CELF2: variants seen among roughly 807,000 people sequenced by gnomAD.
CELF2 encodes the protein CUGBP Elav-like family member 2.
Under a neutral mutation model 62.6 loss-of-function variants are expected in CELF2, and 8 were observed. That is an observed-to-expected ratio of 0.13 (90% CI 0.07 to 0.23). The LOEUF is 0.23. CELF2 is among the 10% of genes least tolerant of loss of function. The pLI, the probability that CELF2 is intolerant of heterozygous loss-of-function variation, is 1.00. For missense variants in CELF2, 333 were observed against 671.0 expected (o/e 0.50, Z 5.56); for synonymous variants, 258 against 250.0 (o/e 1.03, Z -0.30).
At chr10:10,873,764 G>A (rs758972470) in intron 1 of CELF2, among the ~76,000 whole-genome samples, 2 of 152,066 alleles carry the variant, frequency 1.3e-5, no homozygotes, top group Non-Finnish European at 2.9e-5. Context: ...CCAACCCATC[G>A]TCCCTATCCA....
At chr10:10,581,641 T>A in the CELF2 span, among the ~76,000 whole-genome samples, 2 of 152,218 alleles carry the variant, frequency 1.3e-5, no homozygotes, top group East Asian at 3.8e-4. Context: ...AGACTCATTC[T>A]ACAAAGCCAG....
rs571142583 is a variant in CELF2, at chr10:10,818,530, C to G, written c.53+19713C>G. ...CTCAGCCTTCAGTGGTTCCAACAAG[C>G]AGCATTAAATATTTCCTTTTTTTTT... On this transcript the variant is annotated intron_variant, in intron 1 of 13. Coordinates refer to the CELF2 transcript ENST00000636488. 1.2e-4 allele frequency among the ~76,000 whole-genome samples: 18 copies of G among 149,778 alleles called. No homozygotes were observed. In the South Asian group the frequency reaches 1.9e-3, roughly 16 times the overall value.
rs1400139641 is a variant in CELF2, at chr10:10,999,658, A to G, written c.89+79659A>G. 2.0e-5 allele frequency among the ~76,000 whole-genome samples: 3 copies of G among 152,356 alleles called. No individual in the cohort carries two copies. In the East Asian group the frequency reaches 5.8e-4, roughly 29 times the overall value. ...GATGTGTTATGATAGTTTCAAACTCATCTTTCCTACACCATCTGGGTCTCT... is the reference window on the plus strand; with the variant it reads ...GATGTGTTATGATAGTTTCAAACTCGTCTTTCCTACACCATCTGGGTCTCT... On this transcript the variant is annotated intron_variant, in intron 2 of 13. Coordinates refer to the CELF2 transcript ENST00000636488.
At chr10:10,577,500 C>T in the CELF2 span, among the ~76,000 whole-genome samples, 2 of 149,978 alleles carry the variant, frequency 1.3e-5, no homozygotes, top group Non-Finnish European at 3.0e-5. Context: ...CTAATGCTAT[C>T]CCTCCCCCCT....
At chr10:10,897,833 C>T (rs2062669302) in intron 1 of CELF2, among the ~76,000 whole-genome samples, 1 of 152,174 alleles carries the variant, frequency 6.6e-6, no homozygotes, top group Non-Finnish European at 1.5e-5. Context: ...TAGGCTTCTA[C>T]AGGCAGAAAA....
At chr10:10,956,037 A>G (rs544520342) in intron 2 of CELF2, among the ~76,000 whole-genome samples, 1 of 152,320 alleles carries the variant, frequency 6.6e-6, no homozygotes, top group Admixed American at 6.5e-5. Flanking sequence ...ACTTGTTACA[A>G]AGAAATGGAG....
At chr10:11,250,448 C>G (rs2076808250) in intron 4 of CELF2, among the ~76,000 whole-genome samples, 1 of 152,214 alleles carries the variant, frequency 6.6e-6, no homozygotes, top group Non-Finnish European at 1.5e-5. Flanking sequence ...GTTTTTTTCT[C>G]TACTGCTTTA....
At position 10,930,664 on chromosome 10, in the gene CELF2, C is replaced by T. The variant is rs573467288; in HGVS notation, c.89+10665C>T. On this transcript the variant is annotated intron_variant, in intron 2 of 13. Coordinates refer to the CELF2 transcript ENST00000636488. ...GCAAAGGGGTAGAAAATGGTTTCCA[C>T]GTAAGATACAATTTTGCAGTTAGAA... 1.3e-3 allele frequency among the ~76,000 whole-genome samples: 204 copies of T among 152,186 alleles called. 1 individual carries two copies. The highest frequency in any genetic ancestry group is 2.3e-3 in the Non-Finnish European group (158 of 68,002).
the CELF2 span, among the ~76,000 whole-genome samples, chr10:10,525,531 C>T: frequency 6.6e-6 from 1 of 152,160 alleles, no homozygotes; most frequent in African/African-American, 2.4e-5. Context: ...AACCACCATT[C>T]CACCCTCTGC....
chr10:11,226,557 G>T (rs938133334), intron 3 of CELF2, among the ~76,000 whole-genome samples: 1 of 151,788 alleles, frequency 6.6e-6, no homozygotes, highest in Non-Finnish European at 1.5e-5. Flanking sequence ...CTGCTGACAG[G>T]GTGCAGCAGC....
intron 2 of CELF2, among the ~76,000 whole-genome samples, chr10:10,991,288 C>T (rs542341703): frequency 1.6e-4 from 25 of 152,268 alleles, no homozygotes; most frequent in African/African-American, 5.8e-4. Flanking sequence ...CAAAGTTCAG[C>T]TGACGACAGC....
the CELF2 span, among the ~76,000 whole-genome samples, chr10:10,708,480 G>A: frequency 6.6e-6 from 1 of 152,092 alleles, no homozygotes; most frequent in African/African-American, 2.4e-5. Flanking sequence ...AACCAGCTTG[G>A]CATATATAAA....
intron 1 of CELF2, among the ~76,000 whole-genome samples, chr10:11,058,147 G>A (rs562048232): frequency 3.3e-5 from 5 of 150,988 alleles, no homozygotes; most frequent in Non-Finnish European, 5.9e-5. Flanking sequence ...TGTTCCAGTC[G>A]AGTTGTAGTA....
the CELF2 span, among the ~76,000 whole-genome samples, chr10:10,516,724 T>C: frequency 7.4e-6 from 1 of 135,946 alleles, no homozygotes; most frequent in African/African-American, 2.7e-5. Flanking sequence ...AAATAAATAC[T>C]CAGCATCATT....
At chr10:11,292,541 C>A (rs1432483315) in intron 9 of CELF2, among the ~76,000 whole-genome samples, 1 of 152,220 alleles carries the variant, frequency 6.6e-6, no homozygotes, top group Non-Finnish European at 1.5e-5. Flanking sequence ...CATTTCTGAG[C>A]CTTCTAGTTC....
chr10:11,047,239 G>A (rs1416132519), intron 1 of CELF2, among the ~76,000 whole-genome samples: 1 of 152,064 alleles, frequency 6.6e-6, no homozygotes, highest in Non-Finnish European at 1.5e-5. Flanking sequence ...CTAAATTTCT[G>A]AGTATAATTT....
At chr10:10,598,560 A>G in the CELF2 span, among the ~76,000 whole-genome samples, 1 of 152,160 alleles carries the variant, frequency 6.6e-6, no homozygotes, top group Non-Finnish European at 1.5e-5. Flanking sequence ...GCGGTTACAG[A>G]GACACAATAC....
the CELF2 span, among the ~76,000 whole-genome samples, chr10:10,721,821 A>G: frequency 6.6e-6 from 1 of 152,134 alleles, no homozygotes; most frequent in South Asian, 2.1e-4. Context: ...ACTTTACTCC[A>G]GAGGAATGCT....
chr10:10,836,232 G>A (rs976706441), intron 1 of CELF2, among the ~76,000 whole-genome samples: 15 of 151,992 alleles, frequency 9.9e-5, no homozygotes, highest in African/African-American at 3.6e-4. Flanking sequence ...GAAAGGAGGA[G>A]GGGGGACCTG....
Sources: allele counts gnomAD v4.1 joint callset (sites outside exome capture counted in the v4.1 genomes callset), GRCh38; gene constraint gnomAD v4.1.1; transcripts MANE v1.5; gene names NCBI Gene and HGNC (gene_info 2026-07-23, HGNC 2026-07-21).